SCOC: variants seen among roughly 807,000 people sequenced by gnomAD.
SCOC encodes the protein short coiled-coil protein, also known as short coiled coil protein.
A neutral mutation model predicts 9.9 loss-of-function variants in SCOC; 7 were observed. The observed-to-expected ratio is 0.71, with a 90% CI of 0.40 to 1.33. SCOC has a LOEUF of 1.33. Among genes scored for constraint, SCOC ranks in the 40% most tolerant of loss-of-function variants. The probability of loss-of-function intolerance (pLI) is 0.01; values close to 1 mark genes in which losing one functional copy is unlikely to be tolerated. For synonymous variants in SCOC, 19 were observed against 28.2 expected, an observed-to-expected ratio of 0.67 and a Z score of 1.03; for missense variants, 66 against 89.7, an observed-to-expected ratio of 0.74 and a Z score of 1.07.
At chr4:140,276,066 C>G (rs1300152212) in intron 1 of SCOC, among the ~76,000 whole-genome samples, 2 of 151,918 alleles carry the variant, frequency 1.3e-5, no homozygotes, top group Admixed American at 6.6e-5. Context: ...TGCAGTGGCA[C>G]TATTCGGCTC....
intron 2 of SCOC, among the ~76,000 whole-genome samples, chr4:140,357,819 TAAAG>T (rs1326531961): frequency 6.6e-6 from 1 of 152,222 alleles, no homozygotes; most frequent in Admixed American, 6.5e-5. Context: ...GTCATTCTAA[TAAAG>T]AATGACGAAT....
intron 1 of SCOC, among the ~76,000 whole-genome samples, chr4:140,306,292 C>T (rs961050305): frequency 2.0e-5 from 3 of 152,050 alleles, no homozygotes; most frequent in Non-Finnish European, 4.4e-5. Context: ...AAAGACCCAC[C>T]CCTTGATTCA....
chr4:140,273,611 C>T (rs1050451558), intron 1 of SCOC, among the ~76,000 whole-genome samples: 6 of 151,156 alleles, frequency 4.0e-5, no homozygotes, highest in African/African-American at 7.3e-5. Context: ...CCCACTCTGA[C>T]GGGGCTCAGT....
At chr4:140,295,206 T>C (rs1484138267) in intron 1 of SCOC, among the ~76,000 whole-genome samples, 1 of 152,212 alleles carries the variant, frequency 6.6e-6, no homozygotes, top group African/African-American at 2.4e-5. Context: ...GATATAATGA[T>C]GGGGATCCCT....
upstream of SCOC, among the ~76,000 whole-genome samples, chr4:140,339,955 A>G (rs1221986230): frequency 6.6e-6 from 1 of 152,248 alleles, no homozygotes; most frequent in African/African-American, 2.4e-5. Flanking sequence ...TACTGGGTAT[A>G]TACCCAAAGG....
Position 140,273,076 on chromosome 4 carries a change from C to T in SCOC, c.-19+15666C>T, listed in dbSNP as rs142695668. On this transcript the variant is annotated intron_variant, in intron 1 of 4. Coordinates refer to the SCOC transcript ENST00000394205. ...CGTGCTCATTTTTATCGACGTTCCC[C>T]AGGTCACTGTTAATTCAGGCCCCAG... 2.2e-4 allele frequency among the ~76,000 whole-genome samples: 33 copies of T among 152,306 alleles called. No individual in the cohort carries two copies. The East Asian group carries it at 4.3e-3, about 20-fold the overall frequency.
upstream of SCOC, among the ~76,000 whole-genome samples, chr4:140,342,615 T>TCAAA (rs1319034152): frequency 6.6e-6 from 1 of 152,168 alleles, no homozygotes; most frequent in Non-Finnish European, 1.5e-5. Flanking sequence ...ATTATATGTA[T>TCAAA]CAAAGCACAG....
chr4:140,373,531 C>A (rs1219291103), upstream of SCOC: 8 of 1,551,682 alleles, frequency 5.2e-6, no homozygotes, highest in African/African-American at 1.4e-5. Context: ...GTGAGGCGGG[C>A]AGCTAATGCG....
Position 140,379,160 on chromosome 4 carries a change from TGTTACCCAAGATGATGAATGCTGA to T in SCOC, c.-10_14del. Reference sequence around the variant, plus strand: ...ATTTTGTATCCAAGGCCCAAAAGTTTGTTACCCAAGATGATGAATGCTGACATGGATGGTATGTTCTTCATTTTC... The same window carrying T: ...ATTTTGTATCCAAGGCCCAAAAGTTTCATGGATGGTATGTTCTTCATTTTC... On this transcript the variant is annotated start_lost and 5_prime_UTR_variant, in exon 2 of 4. Transcript: ENST00000608372. 1 of 1,610,900 alleles carries T rather than the reference TGTTACCCAAGATGATGAATGCTGA, an allele frequency of 6.2e-7. No homozygotes were observed. The highest frequency in any genetic ancestry group is 8.5e-7 in the Non-Finnish European group (1 of 1,177,282).
At chr4:140,295,564 A>G (rs1051823618) in intron 1 of SCOC, among the ~76,000 whole-genome samples, 4 of 152,216 alleles carry the variant, frequency 2.6e-5, no homozygotes, top group Non-Finnish European at 5.9e-5. Context: ...CAAGGAGAGA[A>G]GTGAGACGGC....
Position 140,362,041 on chromosome 4 carries a change from C to T in SCOC, c.71-17080C>T, listed in dbSNP as rs1327398500. 2.1e-5 allele frequency among the ~76,000 whole-genome samples: 3 copies of T among 141,314 alleles called. No individual in the cohort carries two copies. The Admixed American group carries it at 2.1e-4, about 10-fold the overall frequency. 92.7% of individuals were successfully genotyped at this position (141,314 alleles called of 152,430 possible). A position where few individuals can be genotyped will look rare whatever the true frequency, so the allele number is the denominator to read the frequency against. The stretch of plus-strand genomic sequence containing the variant: ...GGTTGTCATCAGCCTTTAGAGCAGA[C>T]ACTGAGAGTGATTCTGAGCACGACA... On this transcript the variant is annotated intron_variant, in intron 2 of 4. Transcript: ENST00000338517.
chr4:140,263,496 C>A (rs1730673772), intron 1 of SCOC, among the ~76,000 whole-genome samples: 2 of 152,210 alleles, frequency 1.3e-5, no homozygotes, highest in South Asian at 4.1e-4. Flanking sequence ...GCTGAAACAC[C>A]CCATTTGGTG....
At chr4:140,307,113 A>G (rs1254862084) in intron 1 of SCOC, among the ~76,000 whole-genome samples, 1 of 152,198 alleles carries the variant, frequency 6.6e-6, no homozygotes, top group Non-Finnish European at 1.5e-5. Context: ...AGAAGGGGCC[A>G]TCTATGAAGC....
exon 1 of SCOC, chr4:140,257,407 G>C (rs1730527068): frequency 6.6e-6 from 1 of 152,160 alleles, no homozygotes; most frequent in South Asian, 2.1e-4. Flanking sequence ...GTGACCTCTG[G>C]AAGGTAAGTG....
intron 1 of SCOC, among the ~76,000 whole-genome samples, chr4:140,308,312 T>G (rs956371726): frequency 6.6e-6 from 1 of 152,212 alleles, no homozygotes; most frequent in Admixed American, 6.5e-5. Flanking sequence ...ACACCTGCTC[T>G]GTTTCCTCCA....
At chr4:140,368,513 A>T (rs1286248696) in intron 2 of SCOC, among the ~76,000 whole-genome samples, 6 of 152,376 alleles carry the variant, frequency 3.9e-5, no homozygotes, top group African/African-American at 1.4e-4. Flanking sequence ...ACCAAAAAGT[A>T]TCTCAGACAG....
At chr4:140,366,862 T>C in intron 2 of SCOC, 3 of 751,778 alleles carry the variant, frequency 4.0e-6, no homozygotes, top group South Asian at 2.9e-5. Context: ...GAACACCATG[T>C]TGGTGGCGTT....
At chr4:140,292,599 G>A (rs1040365999) in intron 1 of SCOC, among the ~76,000 whole-genome samples, 13 of 152,180 alleles carry the variant, frequency 8.5e-5, no homozygotes, top group Non-Finnish European at 1.5e-4. Context: ...GAAGTATGCT[G>A]AAATTTCATC....
intron 3 of SCOC, among the ~76,000 whole-genome samples, chr4:140,380,097 G>A (rs991395032): frequency 2.0e-5 from 3 of 151,778 alleles, no homozygotes; most frequent in Admixed American, 2.0e-4. Context: ...GTGCCACAGT[G>A]AGCAGATCAT....
Sources: gnomAD v4.1 joint callset for allele counts (sites outside exome capture counted in the v4.1 genomes callset) on GRCh38, gnomAD v4.1.1 for gene constraint, MANE v1.5 for transcripts, NCBI Gene and HGNC (gene_info 2026-07-23, HGNC 2026-07-21) for gene names.